SMYD3: variants seen among roughly 807,000 people sequenced by gnomAD.
SMYD3 encodes the protein SET and MYND domain containing 3, also known as histone-lysine N-methyltransferase SMYD3.
In SMYD3, 36 loss-of-function variants were observed where a neutral mutation model predicts 57.7. The observed-to-expected ratio is 0.62, with a 90% CI of 0.48 to 0.82. The LOEUF (loss-of-function observed/expected upper bound fraction) is 0.82, where lower values mean the gene tolerates loss of function less well. SMYD3 is among the 40% of genes least tolerant of loss of function. The pLI is 0.00. For missense variants in SMYD3, 515 were observed against 538.8 expected (o/e 0.96, Z 0.44); for synonymous variants, 211 against 195.0 (o/e 1.08, Z -0.68).
chr1:246,053,883 T>C (rs553091875), intron 5 of SMYD3, among the ~76,000 whole-genome samples: 2 of 151,744 alleles, frequency 1.3e-5, no homozygotes, highest in East Asian at 3.8e-4. Context: ...ATTTCTTAAA[T>C]AAAAGAAGAA....
chr1:245,914,833 A>C (rs142465437), intron 8 of SMYD3, among the ~76,000 whole-genome samples: 1 of 150,966 alleles, frequency 6.6e-6, no homozygotes, highest in African/African-American at 2.4e-5. Flanking sequence ...GTATACACAT[A>C]ATTAAGTATC....
intron 5 of SMYD3, among the ~76,000 whole-genome samples, chr1:245,939,417 A>G (rs556749574): frequency 2.0e-5 from 3 of 152,192 alleles, no homozygotes; most frequent in African/African-American, 7.2e-5. Context: ...CGAGGTCAGG[A>G]GATCGAGACC....
intron 5 of SMYD3, among the ~76,000 whole-genome samples, chr1:246,022,512 C>T (rs2059489832): frequency 6.6e-6 from 1 of 152,064 alleles, no homozygotes; most frequent in African/African-American, 2.4e-5. Context: ...TTGGTTTCCT[C>T]GTCTGTATAT....
At chr1:246,481,709 T>C (rs1043699714) in intron 1 of SMYD3, among the ~76,000 whole-genome samples, 93 of 145,232 alleles carry the variant, frequency 6.4e-4, no homozygotes, top group African/African-American at 2.3e-3. Flanking sequence ...CATATATGAT[T>C]ATATATATAT....
At chr1:245,942,874 C>T (rs2057298845) in intron 5 of SMYD3, among the ~76,000 whole-genome samples, 1 of 152,106 alleles carries the variant, frequency 6.6e-6, no homozygotes, top group Non-Finnish European at 1.5e-5. Flanking sequence ...CAATGTGCTC[C>T]TGAATGACTC....
intron 5 of SMYD3, among the ~76,000 whole-genome samples, chr1:246,239,942 A>AT (rs974269945): frequency 8.6e-5 from 13 of 151,530 alleles, no homozygotes; most frequent in East Asian, 1.9e-4. Context: ...AGGTTGTTTG[A>AT]TTTTTTTTTG....
chr1:246,057,842 AG>A (rs2060179466), intron 5 of SMYD3, among the ~76,000 whole-genome samples: 1 of 152,234 alleles, frequency 6.6e-6, no homozygotes, highest in South Asian at 2.1e-4. Flanking sequence ...CAAACTTGGA[AG>A]TAACCCAGAT....
At chr1:246,343,631 T>C (rs769295699) in intron 2 of SMYD3, among the ~76,000 whole-genome samples, 1 of 152,220 alleles carries the variant, frequency 6.6e-6, no homozygotes, top group Non-Finnish European at 1.5e-5. Context: ...CACAAGTCTG[T>C]ATGCCAAAGA....
At position 246,355,112 on chromosome 1, in the gene SMYD3, A is replaced by G; in HGVS notation, c.165-18T>C. The G allele has an allele frequency of 6.2e-7, 1 of 1,613,388 alleles. No homozygotes were observed. The highest frequency in any genetic ancestry group is 8.5e-7 in the Non-Finnish European group (1 of 1,179,286). Reference sequence around the variant, plus strand: ...TTTCCTTCCTGTGGGGAAAAAAATTAATTCTGCATTAAGAAATGAGTGGGA... The same window carrying G: ...TTTCCTTCCTGTGGGGAAAAAAATTGATTCTGCATTAAGAAATGAGTGGGA... On this transcript the variant is annotated intron_variant, in intron 1 of 11. Transcript: ENST00000490107. The surrounding 1 kb of genome is among the most constrained non-coding windows in gnomAD (Gnocchi z 5.0).
At chr1:245,817,197 T>C (rs60643763) in intron 10 of SMYD3, among the ~76,000 whole-genome samples, 7,479 of 146,492 alleles carry the variant, frequency 0.051, 647 homozygotes, top group African/African-American at 0.18. Context: ...CAGCTGGAGA[T>C]CTGAGAACGG....
At chr1:246,099,372 G>C (rs34702735) in intron 5 of SMYD3, among the ~76,000 whole-genome samples, 1 of 152,040 alleles carries the variant, frequency 6.6e-6, no homozygotes, top group Non-Finnish European at 1.5e-5. Context: ...CTGTCCAAAA[G>C]AAGTAGAACT....
chr1:246,431,060 A>G (rs1250700393), intron 1 of SMYD3, among the ~76,000 whole-genome samples: 1 of 152,218 alleles, frequency 6.6e-6, no homozygotes, highest in East Asian at 1.9e-4. Flanking sequence ...AGGATGGGGT[A>G]GTCCACACAG....
chr1:246,289,626 A>G (rs2064645242), intron 5 of SMYD3, among the ~76,000 whole-genome samples: 1 of 152,218 alleles, frequency 6.6e-6, no homozygotes. Flanking sequence ...TCTACCACTC[A>G]CTGACACTGA....
chr1:246,424,583 G>A lies in SMYD3; in HGVS notation c.165-69489C>T, dbSNP rs551023913. Among the ~76,000 whole-genome samples the A allele has an allele frequency of 2.6e-5, 4 of 152,276 alleles. No individual in the cohort carries two copies. The South Asian group carries it at 8.3e-4, about 32-fold the overall frequency. ...ATGTCTGCCTGAAGTTTTCACAGAT[G>A]ATTTACTGTAATATGGTCATTCTAC... On this transcript the variant is annotated intron_variant, in intron 1 of 11. Coordinates refer to ENST00000490107, the MANE Select transcript of SMYD3 (RefSeq NM_001167740.2).
At chr1:246,400,841 A>C (rs1432289223) in intron 1 of SMYD3, among the ~76,000 whole-genome samples, 2 of 152,142 alleles carry the variant, frequency 1.3e-5, no homozygotes, top group Admixed American at 1.3e-4. Context: ...AAAAAAAACC[A>C]CTATGAATTA....
chr1:246,125,836 C>G (rs915814147), intron 5 of SMYD3, among the ~76,000 whole-genome samples: 5 of 151,986 alleles, frequency 3.3e-5, no homozygotes, highest in Non-Finnish European at 5.9e-5. Flanking sequence ...GCCAATCAAG[C>G]AATCAGTCCA....
At chr1:245,808,208 G>T (rs1021047639) in intron 10 of SMYD3, among the ~76,000 whole-genome samples, 1 of 152,072 alleles carries the variant, frequency 6.6e-6, no homozygotes. Context: ...CCTTGGCTGG[G>T]GTGTTTCTTT....
At chr1:246,439,511 T>C (rs566498980) in intron 1 of SMYD3, among the ~76,000 whole-genome samples, 1 of 152,248 alleles carries the variant, frequency 6.6e-6, no homozygotes, top group East Asian at 1.9e-4. Context: ...CACCAACAAT[T>C]ATCACCTTTG....
Position 246,452,234 on chromosome 1 carries a change from G to C in SMYD3, c.164+54820C>G, listed in dbSNP as rs140589123. Among the ~76,000 whole-genome samples the C allele has an allele frequency of 6.6e-4, 101 of 152,246 alleles. 3 individuals carry two copies. In the Middle Eastern group the frequency reaches 0.01, roughly 15 times the overall value. ...CAAATCTCACTTGCGGGCCAGGGGC[G>C]GTGGCTCACACCTGTAATTCTAGCA... On this transcript the variant is annotated intron_variant, in intron 1 of 11. Transcript: ENST00000490107.
Sources: gnomAD v4.1 joint callset for allele counts (sites outside exome capture counted in the v4.1 genomes callset) on GRCh38, gnomAD v4.1.1 for gene constraint, Gnocchi (gnomAD v3.1) non-coding constraint, MANE v1.5 for transcripts, NCBI Gene and HGNC (gene_info 2026-07-23, HGNC 2026-07-21) for gene names.